Variants in THSD7B observed in about 807,000 individuals in gnomAD.
THSD7B encodes the protein thrombospondin type 1 domain containing 7B, also known as thrombospondin type-1 domain-containing protein 7B.
A neutral mutation model predicts 213.6 loss-of-function variants in THSD7B; 138 were observed. The observed-to-expected ratio is 0.65, with a 90% CI of 0.56 to 0.74. The LOEUF (loss-of-function observed/expected upper bound fraction) is 0.74, where lower values mean the gene tolerates loss of function less well. Among genes scored for constraint, THSD7B ranks in the 30% least tolerant of loss-of-function variants. The pLI is 0.00. For missense variants in THSD7B, 1,931 were observed against 1,991.5 expected (o/e 0.97, Z 0.58); for synonymous variants, 742 against 687.0 (o/e 1.08, Z -1.25).
intron 14 of THSD7B, among the ~76,000 whole-genome samples, chr2:137,427,626 A>G (rs1287039251): frequency 2.0e-5 from 3 of 152,148 alleles, no homozygotes; most frequent in Non-Finnish European, 4.4e-5. Context: ...TTATATGTAT[A>G]ATCTAAAAAA....
intron 2 of THSD7B, among the ~76,000 whole-genome samples, chr2:136,999,764 C>T (rs944225030): frequency 6.6e-6 from 1 of 151,986 alleles, no homozygotes; most frequent in African/African-American, 2.4e-5. Flanking sequence ...TAATGTCTGA[C>T]TAAAGCCCAG....
chr2:137,514,387 G>C (rs950930330), intron 15 of THSD7B, among the ~76,000 whole-genome samples: 1 of 152,160 alleles, frequency 6.6e-6, no homozygotes, highest in South Asian at 2.1e-4. Flanking sequence ...TCTTTCTCCT[G>C]TGCTGGATGC....
At chr2:137,206,216 C>T (rs1267864610) in intron 7 of THSD7B, among the ~76,000 whole-genome samples, 1 of 151,836 alleles carries the variant, frequency 6.6e-6, no homozygotes, top group Non-Finnish European at 1.5e-5. Flanking sequence ...TTGACACCTC[C>T]CTCAGAGGTA....
intron 12 of THSD7B, among the ~76,000 whole-genome samples, chr2:137,358,643 T>C (rs1685186158): frequency 6.6e-6 from 1 of 152,218 alleles, no homozygotes; most frequent in Non-Finnish European, 1.5e-5. Flanking sequence ...CATGATTTCC[T>C]GCAGTCTATT....
At chr2:137,374,584 T>C (rs1246604783) in intron 12 of THSD7B, among the ~76,000 whole-genome samples, 1 of 152,206 alleles carries the variant, frequency 6.6e-6, no homozygotes, top group Non-Finnish European at 1.5e-5. Context: ...TAACCTAAAT[T>C]GTAGAATGTT....
intron 12 of THSD7B, among the ~76,000 whole-genome samples, chr2:137,278,409 G>A (rs1682921748): frequency 6.6e-6 from 1 of 152,062 alleles, no homozygotes; most frequent in African/African-American, 2.4e-5. Context: ...TGTGGAATGA[G>A]AATATTTTCA....
intron 2 of THSD7B, among the ~76,000 whole-genome samples, chr2:136,925,473 T>C (rs1364933036): frequency 1.3e-5 from 2 of 152,226 alleles, no homozygotes; most frequent in Non-Finnish European, 2.9e-5. Flanking sequence ...GTCTATTACA[T>C]TGATTGACTT....
At chr2:137,288,387 CT>C (rs1318390643) in intron 12 of THSD7B, among the ~76,000 whole-genome samples, 1 of 152,106 alleles carries the variant, frequency 6.6e-6, no homozygotes, top group Non-Finnish European at 1.5e-5. Context: ...CTACTAGAGT[CT>C]ATGAAACTTA....
Position 137,116,707 on chromosome 2 carries a change from G to A in THSD7B, c.1369+1414G>A, listed in dbSNP as rs567638500. Among the ~76,000 whole-genome samples the A allele has an allele frequency of 5.9e-5, 9 of 152,178 alleles. No homozygotes were observed. The South Asian group carries it at 1.9e-3, about 32-fold the overall frequency. On this transcript the variant is annotated intron_variant, in intron 5 of 27. Coordinates refer to ENST00000409968, the MANE Select transcript of THSD7B (RefSeq NM_001316349.2). ...TCAGGCTTAGTCTTTCTAGCTTTTT[G>A]AATGGAAACTTACTGGGCAGGAAGA...
intron 7 of THSD7B, among the ~76,000 whole-genome samples, chr2:137,190,199 G>A (rs1195434689): frequency 1.3e-5 from 2 of 152,206 alleles, no homozygotes; most frequent in African/African-American, 4.8e-5. Flanking sequence ...ATAGGCAATA[G>A]CATGGAGATG....
chr2:137,410,719 C>G lies in THSD7B; in HGVS notation c.2696-890C>G, dbSNP rs113124463. 2.0e-3 allele frequency among the ~76,000 whole-genome samples: 309 copies of G among 152,152 alleles called. 2 individuals carry two copies. The highest frequency in any genetic ancestry group is 7.1e-3 in the African/African-American group (296 of 41,512). On this transcript the variant is annotated intron_variant, in intron 13 of 27. Transcript: ENST00000409968. Reference sequence around the variant, plus strand: ...GCTTGTATCAGGCATTTCAGAAAAGCCATAAACACAAAAAATAGACCAATA... The same window carrying G: ...GCTTGTATCAGGCATTTCAGAAAAGGCATAAACACAAAAAATAGACCAATA...
chr2:137,238,907 G>A (rs1420411428), intron 9 of THSD7B, among the ~76,000 whole-genome samples: 1 of 151,434 alleles, frequency 6.6e-6, no homozygotes, highest in Non-Finnish European at 1.5e-5. Flanking sequence ...CTATTTTATA[G>A]ATGATTTGTG....
chr2:137,040,487 A>G (rs1442185127), intron 2 of THSD7B, among the ~76,000 whole-genome samples: 6 of 151,046 alleles, frequency 4.0e-5, no homozygotes, highest in African/African-American at 7.3e-5. Context: ...TCTGTCTCCC[A>G]GATTCAAGTG....
intron 7 of THSD7B, among the ~76,000 whole-genome samples, chr2:137,206,786 C>T (rs1680993522): frequency 6.6e-6 from 1 of 152,010 alleles, no homozygotes; most frequent in Non-Finnish European, 1.5e-5. Context: ...ACAGACGCAT[C>T]GTTTGCTGAA....
intron 9 of THSD7B, among the ~76,000 whole-genome samples, chr2:137,237,148 G>A (rs1239489651): frequency 6.7e-6 from 1 of 149,914 alleles, no homozygotes; most frequent in African/African-American, 2.4e-5. Context: ...GAAGCCTACA[G>A]TGAGGCCAAG....
chr2:137,575,010 T>C (rs1681429522), intron 17 of THSD7B, among the ~76,000 whole-genome samples: 1 of 152,080 alleles, frequency 6.6e-6, no homozygotes, highest in South Asian at 2.1e-4. Flanking sequence ...GTGTGACATA[T>C]GATATTGGGA....
chr2:137,288,619 C>G (rs1680336664), intron 12 of THSD7B, among the ~76,000 whole-genome samples: 1 of 151,872 alleles, frequency 6.6e-6, no homozygotes, highest in African/African-American at 2.4e-5. Flanking sequence ...GTACAGAGCA[C>G]AGGATAGTGA....
intron 1 of THSD7B, among the ~76,000 whole-genome samples, chr2:136,821,333 G>T (rs960689887): frequency 6.6e-6 from 1 of 152,034 alleles, no homozygotes; most frequent in African/African-American, 2.4e-5. Flanking sequence ...TGATAATTTT[G>T]TCATACTTGA....
chr2:136,829,848 C>G (rs1332592628), intron 1 of THSD7B, among the ~76,000 whole-genome samples: 1 of 152,156 alleles, frequency 6.6e-6, no homozygotes, highest in Non-Finnish European at 1.5e-5. Flanking sequence ...TTCCTTCTGT[C>G]TTACTACTTT....
Sources: gnomAD v4.1 joint callset for allele counts (sites outside exome capture counted in the v4.1 genomes callset) on GRCh38, gnomAD v4.1.1 for gene constraint, MANE v1.5 for transcripts, NCBI Gene and HGNC (gene_info 2026-07-23, HGNC 2026-07-21) for gene names.